HDAC4: variants seen among roughly 807,000 people sequenced by gnomAD.
HDAC4 encodes histone deacetylase A.
HDAC4 carries 16 observed loss-of-function variants against 135.1 expected under a neutral mutation model. The observed-to-expected ratio is 0.12, with a 90% CI of 0.08 to 0.18. HDAC4 has a LOEUF of 0.18. Ranked by LOEUF, HDAC4 falls within the 10% of genes least tolerant of loss-of-function variation. The pLI, the probability that HDAC4 is intolerant of heterozygous loss-of-function variation, is 1.00. For synonymous variants in HDAC4, 685 were observed against 653.4 expected, an observed-to-expected ratio of 1.05 and a Z score of -0.74; for missense variants, 1,143 against 1,511.8, an observed-to-expected ratio of 0.76 and a Z score of 4.05.
chr2:239,250,654 T>A (rs2048733879), intron 2 of HDAC4, among the ~76,000 whole-genome samples: 1 of 152,214 alleles, frequency 6.6e-6, no homozygotes, highest in Non-Finnish European at 1.5e-5. Flanking sequence ...GCATCGGGCC[T>A]CCTTTAGAGG....
chr2:239,244,582 A>G (rs563139960), intron 2 of HDAC4, among the ~76,000 whole-genome samples: 67 of 152,308 alleles, frequency 4.4e-4, no homozygotes, highest in African/African-American at 1.6e-3. Context: ...CCCTTGTTCA[A>G]TTAAATTATA....
At chr2:239,296,449 G>A (rs1406757341) in intron 2 of HDAC4, among the ~76,000 whole-genome samples, 1 of 152,172 alleles carries the variant, frequency 6.6e-6, no homozygotes, top group Admixed American at 6.5e-5. Flanking sequence ...TCCTTTTTCA[G>A]ATGCAGGCAG....
intron 2 of HDAC4, among the ~76,000 whole-genome samples, chr2:239,261,856 C>A (rs574874849): frequency 6.6e-6 from 1 of 152,308 alleles, no homozygotes; most frequent in African/African-American, 2.4e-5. Context: ...CACCCCCCAC[C>A]CGGCCCAGCC....
At chr2:239,252,981 GCACTGCACACTT>G (rs1378735480) in intron 2 of HDAC4, among the ~76,000 whole-genome samples, 1 of 152,218 alleles carries the variant, frequency 6.6e-6, no homozygotes, top group Non-Finnish European at 1.5e-5. Flanking sequence ...ACGGCGGCCC[GCACTGCACACTT>G]CCTAGCAGGC....
intron 2 of HDAC4, among the ~76,000 whole-genome samples, chr2:239,320,017 ATTGT>A (rs71043187): frequency 0.17 from 26,503 of 152,050 alleles, 2,537 homozygotes; most frequent in East Asian, 0.32. Flanking sequence ...ATGTCTATGA[ATTGT>A]TTAATTCTTT....
intron 2 of HDAC4, among the ~76,000 whole-genome samples, chr2:239,310,047 G>C (rs1369177765): frequency 6.6e-6 from 1 of 152,216 alleles, no homozygotes; most frequent in Non-Finnish European, 1.5e-5. Context: ...TAGCCGTCCA[G>C]TTAGGGAACC....
At chr2:239,255,911 G>C (rs563726467) in intron 2 of HDAC4, among the ~76,000 whole-genome samples, 10 of 152,316 alleles carry the variant, frequency 6.6e-5, no homozygotes, top group Non-Finnish European at 1.3e-4. Context: ...AATTCTTTGT[G>C]AGAAATAATC....
chr2:239,188,055 G>A (rs1321239923), intron 4 of HDAC4, among the ~76,000 whole-genome samples: 9 of 152,318 alleles, frequency 5.9e-5, no homozygotes, highest in Admixed American at 1.3e-4. Flanking sequence ...CCCAGAGCCC[G>A]CAAGCAGCCC....
In HDAC4 at chr2:239,352,894, C is replaced by T. The variant is rs948293780; in HGVS notation, c.-195G>A. 6.2e-5 allele frequency: 39 copies of T among 627,174 alleles called. 1 individual carries two copies. Among genetic ancestry groups the T allele is most frequent in the Admixed American group, 1.2e-4 (5 of 40,410 alleles). 38.9% of individuals were successfully genotyped at this position (627,174 alleles called of 1,614,324 possible). On this transcript the variant is annotated 5_prime_UTR_variant, in exon 2 of 27. Coordinates refer to ENST00000543185, the MANE Select transcript of HDAC4 (RefSeq NM_001378414.1). This position sits in a 1 kb window ranked among gnomAD's most constrained non-coding sequence, Gnocchi z 4.4. ...AGGTAACCCACAAGTTGAACAGAGG[C>T]GTCCGCTGGCTTCTGCAGATGAACC...
intron 15 of HDAC4, among the ~76,000 whole-genome samples, chr2:239,106,294 C>G (rs2038123601): frequency 6.6e-6 from 1 of 152,152 alleles, no homozygotes; most frequent in Non-Finnish European, 1.5e-5. Context: ...GCTGAGAGAC[C>G]CTCTCCCAAT....
intron 3 of HDAC4, among the ~76,000 whole-genome samples, chr2:239,231,059 G>A (rs556201118): frequency 2.6e-5 from 4 of 152,306 alleles, no homozygotes; most frequent in East Asian, 1.9e-4. Flanking sequence ...TGAATTTTGC[G>A]TTATTTTGGA....
intron 2 of HDAC4, among the ~76,000 whole-genome samples, chr2:239,342,661 C>A (rs1692364711): frequency 6.6e-6 from 1 of 152,212 alleles, no homozygotes; most frequent in Admixed American, 6.5e-5. Flanking sequence ...TGGAACCACA[C>A]TGGGTCCTGA....
Position 239,308,370 on chromosome 2 carries a change from A to C in HDAC4, c.22+44308T>G, listed in dbSNP as rs1469202782. ...TACTCAGCAACAGGCTTTCCTAATA[A>C]GAATTCCACACTTCCATGAGGCTGT... is the stretch of plus-strand genomic sequence containing the variant. On this transcript the variant is annotated intron_variant, in intron 2 of 26. Coordinates refer to ENST00000543185, the MANE Select transcript of HDAC4 (RefSeq NM_001378414.1). The surrounding 1 kb of genome is among the most constrained non-coding windows in gnomAD (Gnocchi z 4.2). 6.6e-6 allele frequency among the ~76,000 whole-genome samples: 1 copy of C among 152,170 alleles called. No homozygotes were observed. Among genetic ancestry groups the C allele is most frequent in the African/African-American group, 2.4e-5 (1 of 41,436 alleles).
chr2:239,278,176 A>G (rs1354951690), intron 2 of HDAC4, among the ~76,000 whole-genome samples: 4 of 108,272 alleles, frequency 3.7e-5, no homozygotes, highest in Non-Finnish European at 7.8e-5. Flanking sequence ...TCCCACCATT[A>G]GAGAAAAAAA....
intron 2 of HDAC4, among the ~76,000 whole-genome samples, chr2:239,281,384 T>C (rs1419967389): frequency 2.1e-5 from 2 of 95,956 alleles, no homozygotes; most frequent in East Asian, 4.6e-4. Context: ...ACACACCATG[T>C]ACATGCCACT....
intron 1 of HDAC4, among the ~76,000 whole-genome samples, chr2:239,363,511 T>C (rs1364335434): frequency 1.3e-5 from 2 of 152,238 alleles, no homozygotes; most frequent in Non-Finnish European, 1.5e-5. Flanking sequence ...CTTTTCAATA[T>C]GCAGTGCTTG....
At chr2:239,337,217 G>C in intron 2 of HDAC4, among the ~76,000 whole-genome samples, 1 of 152,170 alleles carries the variant, frequency 6.6e-6, no homozygotes, top group South Asian at 2.1e-4. Context: ...CCAAGGGAGG[G>C]AGTGGAGGAA....
intron 2 of HDAC4, among the ~76,000 whole-genome samples, chr2:239,286,995 G>T (rs941818870): frequency 2.0e-5 from 3 of 152,198 alleles, no homozygotes; most frequent in African/African-American, 7.2e-5. Context: ...CCCAGCAGGA[G>T]AGTGTCTGAT....
At chr2:239,166,561 T>G (rs2043135197) in intron 5 of HDAC4, among the ~76,000 whole-genome samples, 1 of 152,154 alleles carries the variant, frequency 6.6e-6, no homozygotes, top group East Asian at 1.9e-4. Flanking sequence ...AGAAGCACTT[T>G]TAGCTGAACT....
Sources: gnomAD v4.1 joint callset for allele counts (sites outside exome capture counted in the v4.1 genomes callset) on GRCh38, gnomAD v4.1.1 for gene constraint, Gnocchi (gnomAD v3.1) non-coding constraint, MANE v1.5 for transcripts, NCBI Gene and HGNC (gene_info 2026-07-23, HGNC 2026-07-21) for gene names.